Variants in TSHZ3 observed in about 807,000 individuals in gnomAD.
TSHZ3 encodes the protein teashirt zinc finger homeobox 3, also known as teashirt homolog 3.
In TSHZ3, 10 loss-of-function variants were observed where a neutral mutation model predicts 64.5. The ratio of observed to expected loss-of-function variants is 0.16; its 90% CI spans 0.10 to 0.26. TSHZ3 has a LOEUF of 0.26. Among genes scored for constraint, TSHZ3 ranks in the 10% least tolerant of loss-of-function variants. TSHZ3 has a pLI of 1.00. For synonymous variants in TSHZ3, 608 were observed against 593.1 expected (o/e 1.03, Z -0.36); for missense variants, 1,242 against 1,421.7 (o/e 0.87, Z 2.03).
chr19:31,305,091 A>G (rs946598796), intron 1 of TSHZ3, among the ~76,000 whole-genome samples: 1 of 152,224 alleles, frequency 6.6e-6, no homozygotes, highest in African/African-American at 2.4e-5. Flanking sequence ...TCAGATTAGC[A>G]AGTGCCACGA....
chr19:31,291,494 C>T (rs1733038655), intron 1 of TSHZ3, among the ~76,000 whole-genome samples: 1 of 152,188 alleles, frequency 6.6e-6, no homozygotes, highest in Non-Finnish European at 1.5e-5. Context: ...AAGGCAGCTT[C>T]CCTGTCTCTA....
At chr19:31,250,192 C>G (rs748442965) in intron 1 of TSHZ3, among the ~76,000 whole-genome samples, 3 of 152,248 alleles carry the variant, frequency 2.0e-5, no homozygotes, top group Non-Finnish European at 4.4e-5. Flanking sequence ...CATCTATGAG[C>G]ATGACTTTCC....
intron 1 of TSHZ3, among the ~76,000 whole-genome samples, chr19:31,309,322 G>A (rs1371645585): frequency 6.6e-6 from 1 of 152,132 alleles, no homozygotes; most frequent in African/African-American, 2.4e-5. Flanking sequence ...GAGTAGATTC[G>A]GAATTCCTTG....
At chr19:31,284,457 C>A (rs1281352671) in intron 1 of TSHZ3, among the ~76,000 whole-genome samples, 2 of 152,136 alleles carry the variant, frequency 1.3e-5, no homozygotes, top group African/African-American at 4.8e-5. Context: ...TCCCACTGGG[C>A]TCGGAAGAAG....
intron 1 of TSHZ3, among the ~76,000 whole-genome samples, chr19:31,338,885 C>G (rs1052888749): frequency 1.3e-5 from 2 of 149,984 alleles, no homozygotes; most frequent in Admixed American, 1.3e-4. Flanking sequence ...ATTGCACATG[C>G]GAGGGTTTGT....
chr19:31,277,121 C>G lies in TSHZ3; in HGVS notation c.2672G>C (p.Arg891Thr). 1 of 1,603,592 alleles carries G rather than the reference C, an allele frequency of 6.2e-7. No homozygotes were observed. The highest frequency in any genetic ancestry group is 8.5e-7 in the Non-Finnish European group (1 of 1,173,520). The change falls in exon 2 of 2, where the codon AGG (arginine) becomes ACG (threonine). Residue 891 changes from arginine (R) to threonine (T), a missense_variant. By Grantham distance (71) the Arg-to-Thr change is moderately conservative (BLOSUM62 -1). Around this residue, in one of 4 missense-constraint regions of TSHZ3, gnomAD observed 550 missense variants for 545.1 expected, o/e 1.01. Coordinates refer to ENST00000240587, the MANE Select transcript of TSHZ3 (RefSeq NM_020856.4). The surrounding 1 kb of genome is among the most constrained non-coding windows in gnomAD (Gnocchi z 4.5). ...GTTCCAGTTTGACTGGCGGCCCTTC[C>G]TCTTCTGGGCGGGCGTCGACTCCTC... Reference protein sequence around the residue: ...EAEESTPAQKRKGRQSNWNPQ... With the variant: ...EAEESTPAQKTKGRQSNWNPQ...
chr19:31,179,737 G>GTGGTGGTGATGGTGGTGGTGA (rs372201289), intron 5 of TSHZ3, among the ~76,000 whole-genome samples: 2 of 150,162 alleles, frequency 1.3e-5, no homozygotes, highest in Non-Finnish European at 3.0e-5. Context: ...GTAGGTGGTG[G>GTGGTGGTGATGGTGGTGGTGA]TGGTGGTGGT....
At chr19:31,159,873 A>G (rs533467591) in intron 5 of TSHZ3, among the ~76,000 whole-genome samples, 1 of 152,000 alleles carries the variant, frequency 6.6e-6, no homozygotes, top group Non-Finnish European at 1.5e-5. Flanking sequence ...TTTATTTTTC[A>G]TAGAGATGGG....
chr19:31,248,530 C>T (rs567006975), intron 1 of TSHZ3, among the ~76,000 whole-genome samples: 53 of 151,900 alleles, frequency 3.5e-4, no homozygotes, highest in African/African-American at 1.2e-3. Flanking sequence ...GGTCCAAGGC[C>T]GGGAGCAGTG....
rs1488036860 is a variant in TSHZ3 at position 31,238,520 on chromosome 19, T to A, written n.550+3749A>T. Among the ~76,000 whole-genome samples the A allele has an allele frequency of 2.0e-5, 3 of 152,192 alleles. No individual in the cohort carries two copies. In the South Asian group the frequency reaches 6.2e-4, roughly 32 times the overall value. On this transcript the variant is annotated intron_variant and non_coding_transcript_variant, in intron 3 of 6. Coordinates refer to the TSHZ3 transcript ENST00000651361. ...ATCTGCCTACCTTGGCCTCCCAAAT[T>A]GCTGGGATTACAGGCGTGAGCCATT...
chr19:31,319,262 A>G (rs1231048936), intron 1 of TSHZ3, among the ~76,000 whole-genome samples: 2 of 152,258 alleles, frequency 1.3e-5, no homozygotes, highest in Non-Finnish European at 2.9e-5. Flanking sequence ...GCTGCAGATA[A>G]AAAGAAGAAC....
intron 5 of TSHZ3, among the ~76,000 whole-genome samples, chr19:31,189,986 C>G (rs1974876716): frequency 6.6e-6 from 1 of 152,132 alleles, no homozygotes; most frequent in South Asian, 2.1e-4. Flanking sequence ...AGCCTTTTCT[C>G]TAAATCTCTG....
chr19:31,269,878 G>GT (rs1389578700), intron 1 of TSHZ3, among the ~76,000 whole-genome samples: 1 of 152,228 alleles, frequency 6.6e-6, no homozygotes, highest in Non-Finnish European at 1.5e-5. Context: ...GTCTGCAGTG[G>GT]TGCCTGGGCA....
intron 1 of TSHZ3, among the ~76,000 whole-genome samples, chr19:31,339,421 C>G (rs1917360536): frequency 6.6e-6 from 1 of 152,050 alleles, no homozygotes; most frequent in South Asian, 2.1e-4. Flanking sequence ...TCTCCCCTGC[C>G]CAGCCTCTTT....
At chr19:31,319,273 G>A (rs986520482) in intron 1 of TSHZ3, among the ~76,000 whole-genome samples, 5 of 152,172 alleles carry the variant, frequency 3.3e-5, no homozygotes, top group African/African-American at 7.2e-5. Context: ...AAAGAAGAAC[G>A]TTGTCAACAC....
intron 1 of TSHZ3, among the ~76,000 whole-genome samples, chr19:31,266,223 C>A (rs1033395849): frequency 6.6e-6 from 1 of 152,140 alleles, no homozygotes; most frequent in Non-Finnish European, 1.5e-5. Context: ...CTGTATCTCT[C>A]AAAGGGCCTG....
At chr19:31,166,072 C>A (rs182597709) in intron 5 of TSHZ3, among the ~76,000 whole-genome samples, 61 of 152,286 alleles carry the variant, frequency 4.0e-4, no homozygotes, top group African/African-American at 1.4e-3. Flanking sequence ...ATTACAGCGC[C>A]AGCAGCTTTT....
chr19:31,349,415 C>G lies in TSHZ3; in HGVS notation c.-196G>C, dbSNP rs2021632960. ...CCCGCGCCGCGCTCCGCCGCGAACC[C>G]CGAACGTGCGGAGGGAAGAAGGAGG... is the stretch of plus-strand genomic sequence containing the variant. On this transcript the variant is annotated 5_prime_UTR_variant, in exon 1 of 2. Coordinates refer to ENST00000240587, the MANE Select transcript of TSHZ3 (RefSeq NM_020856.4). 1 of 422,390 alleles carries G rather than the reference C, an allele frequency of 2.4e-6. No individual in the cohort carries two copies. The highest frequency in any genetic ancestry group is 4.6e-5 in the Admixed American group (1 of 21,728). The allele number at this position is 422,390 out of a possible 1,614,324, so 26.2% of individuals were successfully genotyped here.
chr19:31,319,546 C>T (rs1916705445), intron 1 of TSHZ3, among the ~76,000 whole-genome samples: 1 of 152,088 alleles, frequency 6.6e-6, no homozygotes, highest in African/African-American at 2.4e-5. Context: ...TCCCCTGAGC[C>T]CCAGCCCACC....
Sources: allele counts gnomAD v4.1 joint callset (sites outside exome capture counted in the v4.1 genomes callset), GRCh38; gene constraint gnomAD v4.1.1; regional missense constraint gnomAD v4.1.1; non-coding constraint Gnocchi (gnomAD v3.1); transcripts MANE v1.5; gene names NCBI Gene and HGNC (gene_info 2026-07-23, HGNC 2026-07-21).